Variants in ZNF493 observed in about 807,000 individuals in gnomAD.
The protein encoded by ZNF493 is zinc finger protein 493.
Under a neutral mutation model 12.2 loss-of-function variants are expected in ZNF493, and 11 were observed. The ratio of observed to expected loss-of-function variants is 0.90; its 90% CI spans 0.57 to 1.50. The LOEUF (loss-of-function observed/expected upper bound fraction) is 1.50, where lower values mean the gene tolerates loss of function less well. ZNF493 is among the 40% of genes most tolerant of loss of function. The pLI, the probability that ZNF493 is intolerant of heterozygous loss-of-function variation, is 0.00. For missense variants in ZNF493, 950 were observed against 906.6 expected (o/e 1.05, Z -0.61); for synonymous variants, 286 against 302.6 (o/e 0.95, Z 0.57).
rs750381283 is a variant in ZNF493 at position 21,423,559 on chromosome 19, A to C, written c.900A>C (p.Lys300Asn). The C allele has an allele frequency of 3.1e-6, 5 of 1,613,646 alleles. No homozygotes were observed. In the African/African-American group the frequency reaches 6.7e-5, roughly 22 times the overall value. The change falls in exon 4 of 4, where the codon AAA becomes AAC. Residue 300 changes from lysine to asparagine, a missense_variant. Coordinates refer to ENST00000392288, the MANE Select transcript of ZNF493 (RefSeq NM_001076678.3). ...EKPYKCEQYGKTFNQSSTLTG... is the reference protein window; with the variant it reads ...EKPYKCEQYGNTFNQSSTLTG... Reference sequence around the variant, plus strand: ...CCTATAAATGTGAACAATATGGCAAAACTTTTAACCAATCTTCAACCCTTA... The same window carrying C: ...CCTATAAATGTGAACAATATGGCAACACTTTTAACCAATCTTCAACCCTTA...
At chr19:21,401,617 T>C (rs1384424150) in intron 1 of ZNF493, among the ~76,000 whole-genome samples, 1 of 151,700 alleles carries the variant, frequency 6.6e-6, no homozygotes, top group Admixed American at 6.6e-5. Flanking sequence ...TATTTATTTA[T>C]TTATTTATTT....
At chr19:21,404,949 C>CA (rs2030064967) in intron 1 of ZNF493, among the ~76,000 whole-genome samples, 180 bp from the exon 2 acceptor site, 1 of 149,832 alleles carries the variant, frequency 6.7e-6, no homozygotes, top group African/African-American at 2.5e-5. Flanking sequence ...TCTCTTCTCT[C>CA]AGAGTTAGAG....
chr19:21,423,179 A>G lies in ZNF493; in HGVS notation c.520A>G (p.Thr174Ala), dbSNP rs1333875187. The change falls in exon 4 of 4, where the codon ACA becomes GCA. Residue 174 changes from threonine to alanine, a missense_variant. Transcript: ENST00000392288. ...ACTTTTAAATTCAAATAGACATAAC[A>G]CAAAACATACTGGAAAGAAACCTTT... is the stretch of plus-strand genomic sequence containing the variant. ...HKLLNSNRHN[T>A]KHTGKKPFKC... 3.1e-6 allele frequency: 5 copies of G among 1,613,828 alleles called. No individual in the cohort carries two copies. The highest frequency in any genetic ancestry group is 3.3e-5 in the Admixed American group (2 of 60,006).
chr19:21,418,248 G>A (rs1484964405), intron 3 of ZNF493, among the ~76,000 whole-genome samples: 1 of 152,128 alleles, frequency 6.6e-6, no homozygotes, highest in Non-Finnish European at 1.5e-5. Context: ...TCCCTCCTGT[G>A]CCTCTTTAGC....
At chr19:21,406,325 G>A (rs1054994656) in intron 3 of ZNF493, among the ~76,000 whole-genome samples, 8 of 151,830 alleles carry the variant, frequency 5.3e-5, no homozygotes, top group Non-Finnish European at 5.9e-5. Context: ...AGAGTTTCTC[G>A]GAAGCCTTTG....
At chr19:21,418,385 T>C (rs1211910135) in intron 3 of ZNF493, among the ~76,000 whole-genome samples, 4 of 152,204 alleles carry the variant, frequency 2.6e-5, no homozygotes, top group Admixed American at 2.6e-4. Flanking sequence ...GTCCCATTGT[T>C]ACCCTGATGC....
At chr19:21,397,461 G>T (rs549393217) in intron 1 of ZNF493, 194 bp downstream of exon 1, 4 of 694,146 alleles carry the variant, frequency 5.8e-6, no homozygotes, top group African/African-American at 3.5e-5. Context: ...GGCCCCGGGC[G>T]TCCTGTCTCT....
Position 21,425,620 on chromosome 19 carries a change from G to A in ZNF493, c.*636G>A. The A allele has an allele frequency of 3.8e-6, 3 of 793,316 alleles. No individual in the cohort carries two copies. Among genetic ancestry groups the A allele is most frequent in the Non-Finnish European group, 6.1e-6 (3 of 491,122 alleles). The allele number at this position is 793,316 out of a possible 1,614,324, so 49.1% of individuals were successfully genotyped here. On this transcript the variant is annotated 3_prime_UTR_variant, in exon 4 of 4. Transcript: ENST00000392288. ...GAGAAGCCCTACAAATGTGAAAAAT[G>A]TGGCAAACCTTTTAACCAATCCTCA...
Position 21,423,473 on chromosome 19 carries a change from A to C in ZNF493, c.814A>C (p.Thr272Pro). ...ACCCTACAAATGTGAAGAATGTGGC[A>C]CATCTTTCTACCAATTCTCATACCT... ...QKPYKCEECG[T>P]SFYQFSYLTR... is the part of the protein sequence containing the mutation. The change falls in exon 4 of 4, where the codon ACA becomes CCA. Residue 272 changes from threonine to proline, a missense_variant. Transcript: ENST00000392288. The C allele has an allele frequency of 6.2e-7, 1 of 1,613,758 alleles. No individual in the cohort carries two copies. The highest frequency in any genetic ancestry group is 2.2e-5 in the East Asian group (1 of 44,798).
intron 1 of ZNF493, among the ~76,000 whole-genome samples, chr19:21,402,925 G>A (rs1304810854): frequency 6.6e-6 from 1 of 152,184 alleles, no homozygotes; most frequent in African/African-American, 2.4e-5. Context: ...CCAAAAGCTA[G>A]CACATCAGGA....
In ZNF493 at chr19:21,423,964, T is replaced by A; in HGVS notation, c.1305T>A (p.Cys435Ter). 1 of 1,613,642 alleles carries A rather than the reference T, an allele frequency of 6.2e-7. No homozygotes were observed. Among genetic ancestry groups the A allele is most frequent in the Non-Finnish European group, 8.5e-7 (1 of 1,179,850 alleles). The part of the protein sequence containing the change: ...RIHTGEKPYK[C>*]EECGKTFSVF... ...ATACTGGAGAGAAACCCTACAAATG[T>A]GAAGAATGTGGCAAAACCTTTAGTG... is the stretch of plus-strand genomic sequence containing the variant. The change falls in exon 4 of 4, where the codon TGT becomes TGA. Residue 435 changes from cysteine (C) to a stop codon, truncating the protein, a stop_gained. Transcript: ENST00000392288. LOFTEE classifies it low-confidence loss of function (END_TRUNC).
chr19:21,419,125 C>T (rs1306509632), intron 3 of ZNF493, among the ~76,000 whole-genome samples: 2 of 152,036 alleles, frequency 1.3e-5, no homozygotes, highest in Non-Finnish European at 2.9e-5. Flanking sequence ...AGCAGTAGTT[C>T]AGAAATAGAT....
In ZNF493 at chr19:21,405,110, T is replaced by TG; in HGVS notation, c.31-19_31-18insG. 2 of 1,570,168 alleles carry TG rather than the reference T, an allele frequency of 1.3e-6. No homozygotes were observed. Among genetic ancestry groups the TG allele is most frequent in the Non-Finnish European group, 1.7e-6 (2 of 1,154,038 alleles). On this transcript the variant is annotated intron_variant, in intron 1 of 3. Coordinates refer to ENST00000392288, the MANE Select transcript of ZNF493 (RefSeq NM_001076678.3). ...TAAATGTGTGTGTGTGTGTGTGTGT[T>TG]TGTGTGTGTTTGTTTCAGGGGCCGT... is the stretch of plus-strand genomic sequence containing the variant.
intron 3 of ZNF493, among the ~76,000 whole-genome samples, chr19:21,418,677 G>T (rs1046275630): frequency 6.6e-6 from 1 of 152,192 alleles, no homozygotes; most frequent in African/African-American, 2.4e-5. Context: ...ATTTACCCAC[G>T]TATTTATTAA....
intron 3 of ZNF493, among the ~76,000 whole-genome samples, chr19:21,416,842 T>A (rs1311614991): frequency 6.6e-6 from 1 of 152,228 alleles, no homozygotes; most frequent in Non-Finnish European, 1.5e-5. Flanking sequence ...TATATATTTG[T>A]ACCCCTTTTA....
At position 21,423,765 on chromosome 19, in the gene ZNF493, G is replaced by T. The variant is rs368127394; in HGVS notation, c.1106G>T (p.Arg369Ile). 26 of 1,610,486 alleles carry T rather than the reference G, an allele frequency of 1.6e-5. No homozygotes were observed. The African/African-American group carries it at 2.7e-4, about 17-fold the overall frequency. ...KESSHLTTHK[R>I]IHTGEKPYKC... Reference sequence around the variant, plus strand: ...TCCTCACACCTTACTACACATAAAAGAATTCATACTGGAGAGAAACCCTAC... The same window carrying T: ...TCCTCACACCTTACTACACATAAAATAATTCATACTGGAGAGAAACCCTAC... The change falls in exon 4 of 4, where the codon AGA becomes ATA. Residue 369 changes from arginine (R) to isoleucine (I), a missense_variant. By Grantham distance (97) the Arg-to-Ile change is moderately conservative. Transcript: ENST00000392288.
rs1324181947 is a variant in ZNF493, at chr19:21,405,186, C to G, written c.88C>G (p.Leu30Val). The G allele has an allele frequency of 6.2e-7, 1 of 1,613,992 alleles. No individual in the cohort carries two copies. ...ATTCTCTCTGGAGGAGTGGCAATGC[C>G]TGGACACTGCTCAGCAGGATTTGTA... ...IEFSLEEWQC[L>V]DTAQQDLYRK... Residue 30 changes from leucine to valine, a missense_variant, in exon 2 of 4, where the codon CTG becomes GTG. Physicochemically the swap from Leu to Val is conservative, Grantham distance 32. Transcript: ENST00000392288.
At position 21,425,028 on chromosome 19, in the gene ZNF493, G is replaced by T. The variant is rs745579022; in HGVS notation, c.*44G>T. On this transcript the variant is annotated 3_prime_UTR_variant, in exon 4 of 4. Coordinates refer to ENST00000392288, the MANE Select transcript of ZNF493 (RefSeq NM_001076678.3). ...TTACTGCTCCTATTCCCTTACTAAAGAATGTGGCAAAGCTTTTCACCAGTA... is the reference window on the plus strand; with the variant it reads ...TTACTGCTCCTATTCCCTTACTAAATAATGTGGCAAAGCTTTTCACCAGTA... The T allele has an allele frequency of 5.7e-6, 9 of 1,567,828 alleles. No individual in the cohort carries two copies. Among genetic ancestry groups the T allele is most frequent in the Non-Finnish European group, 7.8e-6 (9 of 1,161,204 alleles).
chr19:21,405,906 T>TGAAA, intron 3 of ZNF493, 50 bp downstream of exon 3: 1 of 320,844 alleles, frequency 3.1e-6, no homozygotes, highest in Non-Finnish European at 4.6e-6. Context: ...GTTGAAAGAT[T>TGAAA]TAAAAAAAAA....
Sources: allele counts gnomAD v4.1 joint callset (sites outside exome capture counted in the v4.1 genomes callset), GRCh38; gene constraint gnomAD v4.1.1; transcripts MANE v1.5; gene names NCBI Gene and HGNC (gene_info 2026-07-23, HGNC 2026-07-21).